KRT86: variants seen among roughly 807,000 people sequenced by gnomAD.
KRT86 encodes keratin 86.
KRT86 carries 30 observed loss-of-function variants against 41.2 expected under a neutral mutation model. The observed-to-expected ratio is 0.73, with a 90% confidence interval of 0.54 to 0.99. The LOEUF (loss-of-function observed/expected upper bound fraction) is 0.99, where lower values mean the gene tolerates loss of function less well. KRT86 is among the 50% of genes least tolerant of loss of function. The pLI is 0.00. For synonymous variants in KRT86, 238 were observed against 238.1 expected, an observed-to-expected ratio of 1.00 and a Z score of 0.00; for missense variants, 561 against 571.4, an observed-to-expected ratio of 0.98 and a Z score of 0.19.
chr12:52,279,438 G>A (rs1423096795), intron 2 of KRT86, among the ~76,000 whole-genome samples: 1 of 152,200 alleles, frequency 6.6e-6, no homozygotes, highest in African/African-American at 2.4e-5. Context: ...TGGTGCCATT[G>A]GGTAGAGGTG....
chr12:52,296,532 C>T (rs1418898621), intron 2 of KRT86, among the ~76,000 whole-genome samples: 1 of 152,174 alleles, frequency 6.6e-6, no homozygotes, highest in African/African-American at 2.4e-5. Flanking sequence ...AGTCAGGCTC[C>T]AGCCCCACCC....
intron 2 of KRT86, chr12:52,286,183 C>A: frequency 4.7e-6 from 6 of 1,264,702 alleles, no homozygotes; most frequent in South Asian, 1.3e-5. Flanking sequence ...TTGCTCCAGG[C>A]GCCTGGACTG....
Position 52,283,392 on chromosome 12 carries a change from C to CAAAAA in KRT86, c.-5+7466_-5+7470dup, listed in dbSNP as rs1169224117. 6.1e-4 allele frequency among the ~76,000 whole-genome samples: 24 copies of CAAAAA among 39,548 alleles called. 1 individual carries two copies. The highest frequency in any genetic ancestry group is 1.7e-3 in the East Asian group (2 of 1,204). The allele number at this position is 39,548 out of a possible 152,430, so 25.9% of individuals were successfully genotyped here. On this transcript the variant is annotated intron_variant, in intron 2 of 10. Transcript: ENST00000423955. ...TGGGCAACAGGGTGAAACTGTCTCA[C>CAAAAA]AAAAAAAAAAAAAAAAAAAAAAAAG...
rs535646616 is a variant in KRT86 at position 52,280,360 on chromosome 12, AC to A, written c.-5+4417del. ...TCTGGGTTCTTTCCCTGCCACACAG[AC>A]CCAAGAGAAGCTTCTGTACAGTGAG... On this transcript the variant is annotated intron_variant, in intron 2 of 10. Coordinates refer to ENST00000423955, the MANE Select transcript of KRT86 (RefSeq NM_001320198.2). Among the ~76,000 whole-genome samples the A allele has an allele frequency of 7.0e-4, 107 of 152,310 alleles. 2 individuals are homozygous for A. The highest frequency in any genetic ancestry group is 6.8e-3 in the Middle Eastern group (2 of 294).
At chr12:52,288,545 G>T in intron 2 of KRT86, 1 of 1,487,618 alleles carries the variant, frequency 6.7e-7, no homozygotes, top group Non-Finnish European at 9.4e-7. Flanking sequence ...ATGTAGCCAG[G>T]GGAAAGCAGT....
intron 2 of KRT86, among the ~76,000 whole-genome samples, chr12:52,283,392 C>CAAAAAAAAAAA (rs1169224117): frequency 1.8e-4 from 7 of 39,542 alleles, no homozygotes; most frequent in Non-Finnish European, 2.1e-4. Flanking sequence ...AACTGTCTCA[C>CAAAAAAAAAAA]AAAAAAAAAA....
chr12:52,293,757 A>T (rs1938189165), intron 2 of KRT86, among the ~76,000 whole-genome samples: 1 of 152,090 alleles, frequency 6.6e-6, no homozygotes, highest in Non-Finnish European at 1.5e-5. Context: ...ACCACCCCCC[A>T]CTCCAATAGA....
At position 52,291,399 on chromosome 12, in the gene KRT86, C is replaced by T. The variant is rs767061164; in HGVS notation, c.-4-10514C>T. On this transcript the variant is annotated intron_variant, in intron 2 of 10. Coordinates refer to ENST00000423955, the MANE Select transcript of KRT86 (RefSeq NM_001320198.2). ...GGGGCGGCGGTGATGCAGCAGCGGC[C>T]GGGCCGCGGCCCGCAGGCCGAGATG... The T allele has an allele frequency of 1.9e-5, 31 of 1,609,510 alleles. No individual in the cohort carries two copies. In the South Asian group the frequency reaches 3.1e-4, roughly 16 times the overall value.
intron 2 of KRT86, chr12:52,287,039 C>G: frequency 6.2e-7 from 1 of 1,611,972 alleles, no homozygotes; most frequent in Non-Finnish European, 8.5e-7. Context: ...CAGCCAAGGC[C>G]AAGGGTAGGC....
At chr12:52,302,844 G>GGA (rs201946389) in intron 3 of KRT86, among the ~76,000 whole-genome samples, 2,112 of 118,854 alleles carry the variant, frequency 0.018, 2 homozygotes, top group African/African-American at 0.052. Flanking sequence ...TGGGGGGTGG[G>GGA]GGGGGGGTCA....
intron 2 of KRT86, among the ~76,000 whole-genome samples, chr12:52,299,534 A>G (rs1353228431): frequency 6.6e-6 from 1 of 152,174 alleles, no homozygotes; most frequent in African/African-American, 2.4e-5. Context: ...TGTTTTCCAT[A>G]GTGGCTGTAG....
intron 2 of KRT86, chr12:52,286,331 C>T (rs956977110): frequency 2.6e-6 from 4 of 1,554,824 alleles, no homozygotes; most frequent in Non-Finnish European, 3.5e-6. Flanking sequence ...GCCGCAGGAA[C>T]CCCCTCCGCA....
intron 8 of KRT86, 108 bp from the exon 9 acceptor site, chr12:52,305,952 G>C: frequency 6.4e-7 from 1 of 1,567,746 alleles, no homozygotes. Context: ...AAGGCAAGAG[G>C]CTCTGTTCTG....
In KRT86 at chr12:52,304,810, G is replaced by A. The variant is rs1207190464; in HGVS notation, c.640-122G>A. On this transcript the variant is annotated intron_variant, in intron 5 of 10. Transcript: ENST00000423955. ...GGGAAGGGCCAGAAGGGAAGGAGAG[G>A]GCATGGGAATGAGACACTGGGGACT... 21 of 1,085,416 alleles carry A rather than the reference G, an allele frequency of 1.9e-5. No homozygotes were observed. In the East Asian group the frequency reaches 3.8e-4, roughly 20 times the overall value. 67.2% of individuals were successfully genotyped at this position (1,085,416 alleles called of 1,614,324 possible). A position where few individuals can be genotyped will look rare whatever the true frequency, so the allele number is the denominator to read the frequency against.
chr12:52,286,914 C>A, intron 2 of KRT86: 1 of 1,541,376 alleles, frequency 6.5e-7, no homozygotes, highest in South Asian at 1.1e-5. Flanking sequence ...CACAACTGGT[C>A]AATTAAGAAC....
rs999813854 is a variant in KRT86 at position 52,308,402 on chromosome 12, A to C, written c.1280-2A>C. The C allele has an allele frequency of 1.2e-6, 2 of 1,611,298 alleles. No individual in the cohort carries two copies. The highest frequency in any genetic ancestry group is 1.7e-6 in the Non-Finnish European group (2 of 1,179,434). ...GCGCGCCTCCGTCTCTTTCCCCTGC[A>C]GGCGTCAGCAGCTCCCGCGGTGGCG... On this transcript the variant is annotated splice_acceptor_variant, in intron 10 of 10. Transcript: ENST00000423955. LOFTEE classifies it high-confidence loss of function.
At position 52,305,345 on chromosome 12, in the gene KRT86, C is replaced by G; in HGVS notation, c.841C>G (p.Gln281Glu). The change falls in exon 7 of 11, where the codon CAG (glutamine) becomes GAG (glutamate). Residue 281 changes from glutamine (Q) to glutamate (E), a missense_variant. Gln to Glu is a conservative substitution (Grantham distance 29, BLOSUM62 2). Transcript: ENST00000423955. Reference sequence around the variant, plus strand: ...CTGCATCATTGCCGAGATCAAGGCACAGTACGATGACATTGTCACCCGTAG... The same window carrying G: ...CTGCATCATTGCCGAGATCAAGGCAGAGTACGATGACATTGTCACCCGTAG... Reference protein sequence around the residue: ...MDCIIAEIKAQYDDIVTRSRA... With the variant: ...MDCIIAEIKAEYDDIVTRSRA... 1.2e-6 allele frequency: 2 copies of G among 1,614,256 alleles called. No homozygotes were observed. The highest frequency in any genetic ancestry group is 1.7e-6 in the Non-Finnish European group (2 of 1,180,052).
At chr12:52,284,601 G>T (rs1486534615) in intron 2 of KRT86, among the ~76,000 whole-genome samples, 1 of 152,182 alleles carries the variant, frequency 6.6e-6, no homozygotes, top group African/African-American at 2.4e-5. Context: ...TTCCATCAGG[G>T]GTGGCTGAGA....
chr12:52,286,557 G>A (rs1448713141), intron 2 of KRT86: 20 of 1,481,240 alleles, frequency 1.4e-5, no homozygotes, highest in East Asian at 4.9e-5. Flanking sequence ...CCTGACAACC[G>A]CCCCTGCCCA....
Sources: gnomAD v4.1 joint callset for allele counts (sites outside exome capture counted in the v4.1 genomes callset) on GRCh38, gnomAD v4.1.1 for gene constraint, MANE v1.5 for transcripts, NCBI Gene and HGNC (gene_info 2026-07-23, HGNC 2026-07-21) for gene names.